Variants in ADGB observed in about 807,000 individuals in gnomAD.
ADGB encodes the protein androglobin, also known as calpain-7-like protein.
Under a neutral mutation model 210.5 loss-of-function variants are expected in ADGB, and 172 were observed. The observed-to-expected ratio is 0.82, with a 90% CI of 0.72 to 0.93. The LOEUF (loss-of-function observed/expected upper bound fraction) is 0.93. Ranked by LOEUF, ADGB falls within the 40% of genes least tolerant of loss-of-function variation. The pLI, the probability that ADGB is intolerant of heterozygous loss-of-function variation, is 0.00. For missense variants in ADGB, 2,025 were observed against 1,964.8 expected (o/e 1.03, Z -0.58); for synonymous variants, 658 against 662.7 (o/e 0.99, Z 0.11).
chr6:146,701,269 TTTC>T (rs1224893031), intron 13 of ADGB, among the ~76,000 whole-genome samples, 199 bp downstream of exon 13: 4 of 152,092 alleles, frequency 2.6e-5, no homozygotes, highest in African/African-American at 7.2e-5. Context: ...CCCCTGTGTG[TTTC>T]TTCTTGGTTG....
intron 16 of ADGB, among the ~76,000 whole-genome samples, chr6:146,720,442 A>G (rs955203927): frequency 6.6e-6 from 1 of 152,186 alleles, no homozygotes; most frequent in Non-Finnish European, 1.5e-5. Flanking sequence ...CGTTTATGTA[A>G]CTATCCTTTA....
rs1470989325 is a variant in ADGB at position 146,724,408 on chromosome 6, A to G, written c.2237+81A>G. 5.1e-6 allele frequency: 7 copies of G among 1,363,884 alleles called. No individual in the cohort carries two copies. The East Asian group carries it at 1.3e-4, about 25-fold the overall frequency. 84.5% of individuals were successfully genotyped at this position (1,363,884 alleles called of 1,614,324 possible). The stretch of plus-strand genomic sequence containing the variant: ...GTTGGTTACTAAAGAAGTAAACAAT[A>G]TGGACTCTAAGACATTGTTTCTCAA... On this transcript the variant is annotated intron_variant, in intron 18 of 35. Coordinates refer to ENST00000397944, the MANE Select transcript of ADGB (RefSeq NM_024694.4).
chr6:146,738,750 G>A (rs1231895505), intron 23 of ADGB, among the ~76,000 whole-genome samples: 4 of 151,962 alleles, frequency 2.6e-5, no homozygotes, highest in South Asian at 2.1e-4. Flanking sequence ...GAGCCACTGC[G>A]CCCGGCCGAA....
At chr6:146,711,907 A>G (rs756067432) in intron 13 of ADGB, among the ~76,000 whole-genome samples, 1 of 151,842 alleles carries the variant, frequency 6.6e-6, no homozygotes, top group Non-Finnish European at 1.5e-5. Context: ...CCCCAAAAAC[A>G]TTAGTCAGGC....
At position 146,666,137 on chromosome 6, in the gene ADGB, A is replaced by G. The variant is rs1583581041; in HGVS notation, c.753-679A>G. On this transcript the variant is annotated intron_variant, in intron 6 of 35. Transcript: ENST00000397944. ...ATGTGTTGGTAATGCCATTAACACT[A>G]CCACTGACGGATAGTCAGCTGAAGC... Among the ~76,000 whole-genome samples, 4 of 152,082 alleles carry G rather than the reference A, an allele frequency of 2.6e-5. No homozygotes were observed. The South Asian group carries it at 6.2e-4, about 24-fold the overall frequency.
intron 1 of ADGB, among the ~76,000 whole-genome samples, chr6:146,614,859 T>G (rs1043496148): frequency 6.6e-6 from 1 of 152,156 alleles, no homozygotes; most frequent in African/African-American, 2.4e-5. Context: ...AGAGCCAGCA[T>G]GTCACATGGC....
chr6:146,708,967 C>CT (rs1415313400), intron 13 of ADGB, among the ~76,000 whole-genome samples: 4 of 151,886 alleles, frequency 2.6e-5, no homozygotes, highest in African/African-American at 9.7e-5. Context: ...CTTTCTTTTG[C>CT]TTGTCTGCTT....
intron 9 of ADGB, among the ~76,000 whole-genome samples, 173 bp from the exon 10 acceptor site, chr6:146,685,561 A>C (rs1776219893): frequency 6.6e-6 from 1 of 152,088 alleles, no homozygotes; most frequent in African/African-American, 2.4e-5. Flanking sequence ...GACAGGCTAC[A>C]AAATAGATAC....
chr6:146,801,789 C>T (rs1222374450), intron 34 of ADGB, 39 bp from the exon 35 acceptor site: 1 of 1,494,462 alleles, frequency 6.7e-7, no homozygotes, highest in African/African-American at 1.4e-5. Flanking sequence ...CCAGAGTTCC[C>T]AAATGAAATC....
At chr6:146,722,384 G>A (rs1776831334) in intron 17 of ADGB, among the ~76,000 whole-genome samples, 1 of 152,078 alleles carries the variant, frequency 6.6e-6, no homozygotes, top group Non-Finnish European at 1.5e-5. Flanking sequence ...CACAGAGATA[G>A]CCTCCACACA....
chr6:146,813,099 T>C (rs1778326225), intron 35 of ADGB, among the ~76,000 whole-genome samples: 1 of 152,186 alleles, frequency 6.6e-6, no homozygotes, highest in African/African-American at 2.4e-5. Context: ...TTATGACAGA[T>C]TGAGTTTTTT....
chr6:146,756,291 C>T (rs569737250), intron 27 of ADGB, among the ~76,000 whole-genome samples: 23 of 152,178 alleles, frequency 1.5e-4, no homozygotes, highest in African/African-American at 5.5e-4. Context: ...ACCATTCTCC[C>T]CAGAGCTTTC....
intron 35 of ADGB, among the ~76,000 whole-genome samples, chr6:146,806,548 C>G (rs1409056555): frequency 3.9e-5 from 6 of 152,130 alleles, no homozygotes; most frequent in African/African-American, 1.2e-4. Context: ...ATTCTGACAT[C>G]CAGCTTTTCC....
At chr6:146,779,062 G>GAA (rs376129193) in intron 29 of ADGB, among the ~76,000 whole-genome samples, 6,273 of 125,202 alleles carry the variant, frequency 0.05, 382 homozygotes, top group African/African-American at 0.16. Context: ...AGTAGCTTTG[G>GAA]AAAAAAAAAA....
intron 13 of ADGB, among the ~76,000 whole-genome samples, chr6:146,709,593 C>A (rs902446360): frequency 6.6e-6 from 1 of 152,168 alleles, no homozygotes; most frequent in African/African-American, 2.4e-5. Flanking sequence ...CCTAGAGTAC[C>A]AGCTTCTGCA....
intron 10 of ADGB, among the ~76,000 whole-genome samples, chr6:146,689,381 A>G (rs1776271988): frequency 6.6e-6 from 1 of 152,132 alleles, no homozygotes; most frequent in Non-Finnish European, 1.5e-5. Context: ...TACATTGAAA[A>G]TAAAATGAAG....
Position 146,656,933 on chromosome 6 carries a change from C to A in ADGB, c.565C>A (p.Pro189Thr). 1 of 1,551,528 alleles carries A rather than the reference C, an allele frequency of 6.4e-7. No individual in the cohort carries two copies. Among genetic ancestry groups the A allele is most frequent in the Admixed American group, 2.0e-5 (1 of 50,988 alleles). Residue 189 changes from proline (P) to threonine (T), a missense_variant, in exon 5 of 36, where the codon CCT becomes ACT. Coordinates refer to ENST00000397944, the MANE Select transcript of ADGB (RefSeq NM_024694.4). ...SLCKAVKGHM[P>T]LFNSYGKYVV... ...GTGCAAGGCTGTGAAGGGTCATATG[C>A]CTTTGTTCAATAGCTATGGAAAGTA...
chr6:146,773,262 A>G (rs1777678453), intron 29 of ADGB, among the ~76,000 whole-genome samples: 1 of 141,470 alleles, frequency 7.1e-6, no homozygotes, highest in Non-Finnish European at 1.5e-5. Context: ...TGCGTAGAAG[A>G]AGAAAAGGCA....
Position 146,764,058 on chromosome 6 carries a change from C to A in ADGB, c.3708C>A (p.Thr1236=), listed in dbSNP as rs757813302. Residue 1236 remains threonine, a synonymous_variant, in exon 28 of 36, where the codon ACC becomes ACA. Coordinates refer to ENST00000397944, the MANE Select transcript of ADGB (RefSeq NM_024694.4). The stretch of plus-strand genomic sequence containing the variant: ...TACCCCTTGTGGAGGAGGAAACTAC[C>A]AGTACACCCACTAGAGAAGACAGTT... The part of the protein sequence containing the change: ...IGLPLVEEET[T]STPTREDSSS... 6.4e-7 allele frequency: 1 copy of A among 1,551,282 alleles called. No homozygotes were observed. Among genetic ancestry groups the A allele is most frequent in the South Asian group, 1.2e-5 (1 of 84,042 alleles).
Sources: allele counts gnomAD v4.1 joint callset (sites outside exome capture counted in the v4.1 genomes callset), GRCh38; gene constraint gnomAD v4.1.1; transcripts MANE v1.5; gene names NCBI Gene and HGNC (gene_info 2026-07-23, HGNC 2026-07-21).